The following AKAP6 variants were observed in gnomAD, a reference collection of about 807,000 sequenced individuals.
AKAP6 encodes A-kinase anchor protein 6.
AKAP6 carries 58 observed loss-of-function variants against 188.5 expected under a neutral mutation model. The ratio of observed to expected loss-of-function variants is 0.31; its 90% confidence interval spans 0.25 to 0.38. The LOEUF is 0.38. Among genes scored for constraint, AKAP6 ranks in the 10% least tolerant of loss-of-function variants. AKAP6 has a pLI of 1.00. For synonymous variants in AKAP6, 989 were observed against 998.6 expected, an observed-to-expected ratio of 0.99 and a Z score of 0.18; for missense variants, 2,710 against 2,740.0, an observed-to-expected ratio of 0.99 and a Z score of 0.24.
chr14:32,744,524 G>A (rs1433742289), intron 11 of AKAP6, among the ~76,000 whole-genome samples: 1 of 151,994 alleles, frequency 6.6e-6, no homozygotes, highest in Non-Finnish European at 1.5e-5. Flanking sequence ...CACTGCACTA[G>A]CCAGGATGGT....
In AKAP6 at chr14:32,439,683, C is replaced by A. The variant is rs191736168; in HGVS notation, c.324+5866C>A. ...CCATAGTCGTGACAGTGAGCAACAG[C>A]CAGGGTTGATTCATGGGCATATCTA... On this transcript the variant is annotated intron_variant, in intron 2 of 13. Transcript: ENST00000280979. Among the ~76,000 whole-genome samples, 153 of 152,250 alleles carry A rather than the reference C, an allele frequency of 1.0e-3. 1 individual carries two copies. Among genetic ancestry groups the A allele is most frequent in the Non-Finnish European group, 1.7e-3 (119 of 68,012 alleles).
chr14:32,789,588 A>C (rs2140049442), intron 12 of AKAP6, among the ~76,000 whole-genome samples: 1 of 152,338 alleles, frequency 6.6e-6, no homozygotes, highest in East Asian at 1.9e-4. Flanking sequence ...GGAAAAAACG[A>C]GCCAACTAGG....
At chr14:32,637,684 C>A (rs1887561249) in intron 7 of AKAP6, among the ~76,000 whole-genome samples, 2 of 151,780 alleles carry the variant, frequency 1.3e-5, no homozygotes, top group South Asian at 4.2e-4. Flanking sequence ...TTACTTAGGA[C>A]CTGTCTGGAA....
intron 2 of AKAP6, among the ~76,000 whole-genome samples, chr14:32,506,851 A>G (rs952116399): frequency 6.6e-6 from 1 of 152,022 alleles, no homozygotes; most frequent in African/African-American, 2.4e-5. Flanking sequence ...TAGTTCTTTT[A>G]CCTCAAAAAA....
At chr14:32,624,139 T>C (rs563885809) in intron 7 of AKAP6, among the ~76,000 whole-genome samples, 1 of 152,290 alleles carries the variant, frequency 6.6e-6, no homozygotes, top group East Asian at 1.9e-4. Flanking sequence ...GATATTCACA[T>C]AGTGCATAAT....
chr14:32,755,641 C>T (rs183020104), intron 11 of AKAP6, among the ~76,000 whole-genome samples: 50 of 152,138 alleles, frequency 3.3e-4, no homozygotes, highest in Admixed American at 2.4e-3. Flanking sequence ...GTTCCCTCCA[C>T]CTTAGCCTCC....
chr14:32,587,218 G>T (rs537784179), intron 5 of AKAP6, among the ~76,000 whole-genome samples: 3 of 129,208 alleles, frequency 2.3e-5, no homozygotes, highest in African/African-American at 7.4e-5. Flanking sequence ...TTTTCTGTTG[G>T]TCATTGTTTT....
intron 1 of AKAP6, among the ~76,000 whole-genome samples, chr14:32,399,646 C>T (rs759035448): frequency 1.3e-5 from 2 of 152,286 alleles, no homozygotes; most frequent in South Asian, 2.1e-4. Flanking sequence ...GACAACTTCT[C>T]TTCCAGCCCA....
rs1884296802 is a variant in AKAP6, at chr14:32,568,306, A to C, written c.2347-8814A>C. Among the ~76,000 whole-genome samples, 1 of 152,188 alleles carries C rather than the reference A, an allele frequency of 6.6e-6. No homozygotes were observed. The highest frequency in any genetic ancestry group is 2.1e-4 in the South Asian group (1 of 4,834). ...AACAAAACTATTTAATAACCACTTA[A>C]TAGCTATAGGACCTTAAATAAATTA... On this transcript the variant is annotated intron_variant, in intron 4 of 13. Coordinates refer to ENST00000280979, the MANE Select transcript of AKAP6 (RefSeq NM_004274.5). This position sits in a 1 kb window ranked among gnomAD's most constrained non-coding sequence, Gnocchi z 6.2.
At chr14:32,650,483 T>C (rs1888171499) in intron 7 of AKAP6, among the ~76,000 whole-genome samples, 1 of 152,012 alleles carries the variant, frequency 6.6e-6, no homozygotes, top group African/African-American at 2.4e-5. Flanking sequence ...TGTGGTGGCA[T>C]GCCTGTAATC....
At chr14:32,708,634 AT>A (rs35424825) in intron 9 of AKAP6, among the ~76,000 whole-genome samples, 18,727 of 151,356 alleles carry the variant, frequency 0.12, 1,228 homozygotes, top group Non-Finnish European at 0.14. Context: ...GCCATTAGTC[AT>A]TTTTTTTTAC....
chr14:32,651,675 C>A (rs574049273), intron 7 of AKAP6, among the ~76,000 whole-genome samples: 1 of 152,202 alleles, frequency 6.6e-6, no homozygotes, highest in African/African-American at 2.4e-5. Context: ...GACCTTGAAT[C>A]TTTATATAAG....
intron 2 of AKAP6, among the ~76,000 whole-genome samples, chr14:32,531,736 T>C (rs1033648803): frequency 2.0e-5 from 3 of 152,236 alleles, no homozygotes; most frequent in Admixed American, 6.5e-5. Flanking sequence ...AATAGAATTA[T>C]ACAGTGTGTA....
chr14:32,556,969 T>A (rs1883715901), intron 4 of AKAP6, among the ~76,000 whole-genome samples: 1 of 152,112 alleles, frequency 6.6e-6, no homozygotes, highest in African/African-American at 2.4e-5. Context: ...TTTAAGGGTC[T>A]CACTCTTGGC....
At chr14:32,788,219 T>A (rs1209848785) in intron 12 of AKAP6, among the ~76,000 whole-genome samples, 1 of 152,134 alleles carries the variant, frequency 6.6e-6, no homozygotes, top group African/African-American at 2.4e-5. Flanking sequence ...TAATACAATA[T>A]GGTGATTAAG....
intron 2 of AKAP6, among the ~76,000 whole-genome samples, chr14:32,499,829 A>G (rs992750174): frequency 2.6e-4 from 40 of 152,114 alleles, no homozygotes; most frequent in African/African-American, 9.4e-4. Flanking sequence ...AGTTTGTTAC[A>G]TGGTTTTTAA....
Position 32,352,102 on chromosome 14 carries a change from TTTGTGTGTGTG to T in AKAP6, c.-35+22696_-35+22706del, listed in dbSNP as rs1566458717. Among the ~76,000 whole-genome samples, 323 of 97,002 alleles carry T rather than the reference TTTGTGTGTGTG, an allele frequency of 3.3e-3. 1 individual carries two copies. Among genetic ancestry groups the T allele is most frequent in the African/African-American group, 0.01 (151 of 14,692 alleles). The allele number at this position is 97,002 out of a possible 152,430, so 63.6% of individuals were successfully genotyped here. A position where few individuals can be genotyped will look rare whatever the true frequency, so the allele number is the denominator to read the frequency against. ...GTGTGTGTGTGTGTGTGTGTGTGTGTTTGTGTGTGTGTGTGTGTGTGTGTGTGTGTGTGAAG... is the reference window on the plus strand; with the variant it reads ...GTGTGTGTGTGTGTGTGTGTGTGTGTTGTGTGTGTGTGTGTGTGTGTGAAG... On this transcript the variant is annotated intron_variant, in intron 1 of 13. Coordinates refer to ENST00000280979, the MANE Select transcript of AKAP6 (RefSeq NM_004274.5).
chr14:32,472,719 C>T (rs147117608), intron 2 of AKAP6, among the ~76,000 whole-genome samples: 1 of 152,258 alleles, frequency 6.6e-6, no homozygotes, highest in African/African-American at 2.4e-5. Context: ...TGTGCTCTGG[C>T]TGAATTTAGT....
At chr14:32,739,608 T>C (rs1325140328) in intron 11 of AKAP6, among the ~76,000 whole-genome samples, 2 of 152,104 alleles carry the variant, frequency 1.3e-5, no homozygotes, top group African/African-American at 2.4e-5. Flanking sequence ...CACAAATAAG[T>C]GAGAACATGC....
Sources: allele counts gnomAD v4.1 joint callset (sites outside exome capture counted in the v4.1 genomes callset), GRCh38; gene constraint gnomAD v4.1.1; non-coding constraint Gnocchi (gnomAD v3.1); transcripts MANE v1.5; gene names NCBI Gene and HGNC (gene_info 2026-07-23, HGNC 2026-07-21).